Variants in SENP7 observed in about 807,000 individuals in gnomAD.
SENP7 encodes the protein sentrin-specific protease 7.
A neutral mutation model predicts 141.2 loss-of-function variants in SENP7; 64 were observed. That is an observed-to-expected ratio of 0.45 (90% CI 0.37 to 0.56). SENP7 has a LOEUF of 0.56. Among genes scored for constraint, SENP7 ranks in the 20% least tolerant of loss-of-function variants. The pLI is 0.00. For missense variants in SENP7, 1,025 were observed against 1,212.2 expected (o/e 0.85, Z 2.29); for synonymous variants, 382 against 426.4 (o/e 0.90, Z 1.28).
chr3:101,492,480 T>G lies in SENP7; in HGVS notation c.186+1393A>C, dbSNP rs182061968. Among the ~76,000 whole-genome samples, 6 of 152,328 alleles carry G rather than the reference T, an allele frequency of 3.9e-5. No homozygotes were observed. The East Asian group carries it at 1.2e-3, about 29-fold the overall frequency. On this transcript the variant is annotated intron_variant, in intron 3 of 23. Transcript: ENST00000394095. The stretch of plus-strand genomic sequence containing the variant: ...TATCCTAAAATAAATGCTACAGTTA[T>G]GGACTGAATTGTATTCCCCCAAAAT...
intron 3 of SENP7, among the ~76,000 whole-genome samples, chr3:101,477,261 G>GA (rs986892475): frequency 4.6e-5 from 7 of 150,856 alleles, no homozygotes; most frequent in African/African-American, 7.3e-5. Context: ...GACCACAATG[G>GA]AAAAAAAAAT....
At chr3:101,506,017 A>ACATTT (rs1553760671) in intron 1 of SENP7, among the ~76,000 whole-genome samples, 1 of 112,108 alleles carries the variant, frequency 8.9e-6, no homozygotes, top group Non-Finnish European at 2.0e-5. Flanking sequence ...TATTTATTCC[A>ACATTT]TAATTTTTTT....
At chr3:101,383,656 A>G (rs970509872) in intron 6 of SENP7, among the ~76,000 whole-genome samples, 8 of 152,164 alleles carry the variant, frequency 5.3e-5, no homozygotes, top group Admixed American at 2.0e-4. Flanking sequence ...AGGTGTACAC[A>G]TGCTCGGGTA....
At chr3:101,475,595 G>C (rs1036417951) in intron 3 of SENP7, among the ~76,000 whole-genome samples, 1 of 152,158 alleles carries the variant, frequency 6.6e-6, no homozygotes, top group Middle Eastern at 3.4e-3. Flanking sequence ...ATGGATGCTG[G>C]TCTTAATACC....
intron 6 of SENP7, among the ~76,000 whole-genome samples, chr3:101,387,624 C>G (rs1208609727): frequency 6.6e-6 from 1 of 152,202 alleles, no homozygotes. Context: ...CATCCAGAGG[C>G]CTGGGAAATG....
chr3:101,378,137 T>A (rs1432545367), intron 6 of SENP7, among the ~76,000 whole-genome samples: 1 of 150,794 alleles, frequency 6.6e-6, no homozygotes, highest in African/African-American at 2.4e-5. Context: ...TTTTATCTAG[T>A]ACGTCATGTC....
intron 5 of SENP7, among the ~76,000 whole-genome samples, chr3:101,407,017 T>C (rs576103840): frequency 1.3e-5 from 2 of 152,222 alleles, no homozygotes; most frequent in Non-Finnish European, 2.9e-5. Context: ...GACAAACAAA[T>C]GGGAAGAGAA....
chr3:101,484,551 G>T (rs1431461404), intron 3 of SENP7, among the ~76,000 whole-genome samples: 1 of 152,166 alleles, frequency 6.6e-6, no homozygotes, highest in Non-Finnish European at 1.5e-5. Context: ...TCCAAATACT[G>T]TGAGTGCCCC....
chr3:101,400,733 T>A (rs201291212), intron 5 of SENP7, among the ~76,000 whole-genome samples: 1 of 150,798 alleles, frequency 6.6e-6, no homozygotes, highest in Non-Finnish European at 1.5e-5. Flanking sequence ...TTATGCCAAT[T>A]CCAGCACTAC....
At chr3:101,443,765 T>G (rs868008010) in intron 4 of SENP7, among the ~76,000 whole-genome samples, 1,746 of 28,786 alleles carry the variant, frequency 0.061, 479 homozygotes, top group African/African-American at 0.11. Context: ...TGTTGATTTT[T>G]GTACATTGTG....
At chr3:101,450,946 C>T (rs987860628) in intron 4 of SENP7, among the ~76,000 whole-genome samples, 17 of 151,786 alleles carry the variant, frequency 1.1e-4, no homozygotes, top group African/African-American at 3.4e-4. Context: ...TTGAAAAGAT[C>T]AACAAAATTG....
intron 5 of SENP7, among the ~76,000 whole-genome samples, chr3:101,403,122 T>C (rs2061198800): frequency 1.3e-5 from 2 of 152,216 alleles, no homozygotes; most frequent in Admixed American, 6.5e-5. Context: ...ACGCATATAC[T>C]TGGAGACAGG....
intron 4 of SENP7, among the ~76,000 whole-genome samples, chr3:101,440,051 A>AG (rs2062597099): frequency 1.6e-4 from 9 of 56,150 alleles, no homozygotes; most frequent in African/African-American, 2.7e-4. Flanking sequence ...CTGCCCGGCC[A>AG]CCACCCCGTC....
intron 12 of SENP7, among the ~76,000 whole-genome samples, chr3:101,348,743 T>G (rs764243330): frequency 3.3e-5 from 5 of 151,920 alleles, no homozygotes; most frequent in African/African-American, 1.2e-4. Context: ...TTCTCCCTCT[T>G]AGGGAGCTAA....
Position 101,456,966 on chromosome 3 carries a change from G to T in SENP7, c.284+1989C>A, listed in dbSNP as rs565329616. ...TTTTTGTTTTGTTTTGTTTTGTTTT[G>T]TTTTGTTTTGTTTTGTTTTACTAGG... On this transcript the variant is annotated intron_variant, in intron 4 of 23. Coordinates refer to ENST00000394095, the MANE Select transcript of SENP7 (RefSeq NM_020654.5). 3.5e-5 allele frequency among the ~76,000 whole-genome samples: 5 copies of T among 144,130 alleles called. No individual in the cohort carries two copies. In the East Asian group the frequency reaches 9.8e-4, roughly 28 times the overall value. 94.6% of individuals were successfully genotyped at this position (144,130 alleles called of 152,430 possible).
rs779487371 is a variant in SENP7, at chr3:101,343,668, T to C, written c.2106+18A>G. On this transcript the variant is annotated intron_variant, in intron 14 of 23. Coordinates refer to ENST00000394095, the MANE Select transcript of SENP7 (RefSeq NM_020654.5). ...GAACCTCCCCCTTCTCTGCCAATTA[T>C]ATTAATGATATGCTAACCTGAGATA... 17 of 1,591,150 alleles carry C rather than the reference T, an allele frequency of 1.1e-5. No individual in the cohort carries two copies. The highest frequency in any genetic ancestry group is 1.5e-5 in the Non-Finnish European group (17 of 1,170,532).
At chr3:101,493,654 T>A (rs9876498) in intron 3 of SENP7, among the ~76,000 whole-genome samples, 59,907 of 151,570 alleles carry the variant, frequency 0.4, 12,279 homozygotes, top group Admixed American at 0.53. Flanking sequence ...TTTCATGAAG[T>A]AATCAATTAT....
intron 3 of SENP7, among the ~76,000 whole-genome samples, chr3:101,485,493 G>A (rs2064691650): frequency 6.6e-6 from 1 of 152,080 alleles, no homozygotes; most frequent in African/African-American, 2.4e-5. Flanking sequence ...TGGGTGGCTA[G>A]ACCCAGAAGA....
chr3:101,360,342 G>T (rs565613837), intron 11 of SENP7, among the ~76,000 whole-genome samples: 1 of 152,284 alleles, frequency 6.6e-6, no homozygotes, highest in East Asian at 1.9e-4. Context: ...TGTCTTCTCT[G>T]TGAAGCCTTT....
Sources: allele counts gnomAD v4.1 joint callset (sites outside exome capture counted in the v4.1 genomes callset), GRCh38; gene constraint gnomAD v4.1.1; transcripts MANE v1.5; gene names NCBI Gene and HGNC (gene_info 2026-07-23, HGNC 2026-07-21).